The following DPF3 variants were observed in gnomAD, a reference collection of about 807,000 sequenced individuals.
DPF3 encodes the protein zinc finger protein DPF3.
A neutral mutation model predicts 56.8 loss-of-function variants in DPF3; 18 were observed. The ratio of observed to expected loss-of-function variants is 0.32; its 90% CI spans 0.22 to 0.47. DPF3 has a LOEUF of 0.47. Among genes scored for constraint, DPF3 ranks in the 20% least tolerant of loss-of-function variants. The probability of loss-of-function intolerance (pLI) is 1.00; values close to 1 mark genes in which losing one functional copy is unlikely to be tolerated. For missense variants in DPF3, 403 were observed against 488.8 expected, an observed-to-expected ratio of 0.82 and a Z score of 1.65; for synonymous variants, 188 against 180.2, an observed-to-expected ratio of 1.04 and a Z score of -0.35.
At chr14:72,766,720 G>A (rs1891303424) in intron 2 of DPF3, among the ~76,000 whole-genome samples, 1 of 152,238 alleles carries the variant, frequency 6.6e-6, no homozygotes, top group South Asian at 2.1e-4. Flanking sequence ...CCAAAGTGCT[G>A]GGATTACAGG....
chr14:72,639,102 C>T (rs1885469868), intron 8 of DPF3, among the ~76,000 whole-genome samples: 1 of 152,176 alleles, frequency 6.6e-6, no homozygotes, highest in African/African-American at 2.4e-5. Context: ...CAGGCATGAG[C>T]CAGTGCGCCA....
chr14:72,830,988 C>G (rs999230509), intron 1 of DPF3, among the ~76,000 whole-genome samples: 2 of 152,184 alleles, frequency 1.3e-5, no homozygotes, highest in African/African-American at 4.8e-5. Context: ...CCGTATCAAT[C>G]GCCCCCACCT....
intron 2 of DPF3, among the ~76,000 whole-genome samples, chr14:72,760,332 A>G (rs1891019207): frequency 6.6e-6 from 1 of 152,204 alleles, no homozygotes. Flanking sequence ...TTAGCCAGGC[A>G]TGGTGGCGCA....
intron 1 of DPF3, among the ~76,000 whole-genome samples, chr14:72,844,580 A>G (rs1433249174): frequency 1.3e-5 from 2 of 152,192 alleles, no homozygotes. Context: ...TTTTTGGCAC[A>G]TTATAGATCC....
At chr14:72,774,030 A>G (rs1891655432) in intron 1 of DPF3, 1 of 451,842 alleles carries the variant, frequency 2.2e-6, no homozygotes, top group East Asian at 7.0e-5. Flanking sequence ...CATGCCTGTA[A>G]TCCCAGCACT....
chr14:72,672,712 C>T (rs1303708617), intron 8 of DPF3, among the ~76,000 whole-genome samples: 1 of 152,122 alleles, frequency 6.6e-6, no homozygotes, highest in South Asian at 2.1e-4. Flanking sequence ...GATTCTAGCA[C>T]CCCTCTTTTG....
intron 3 of DPF3, among the ~76,000 whole-genome samples, chr14:72,739,167 G>T (rs1033786706): frequency 6.6e-6 from 1 of 151,896 alleles, no homozygotes; most frequent in Non-Finnish European, 1.5e-5. Context: ...GCTTGAACCT[G>T]GAAGGGGGAG....
intron 8 of DPF3, among the ~76,000 whole-genome samples, chr14:72,656,230 T>C (rs1886058579): frequency 6.6e-6 from 1 of 152,244 alleles, no homozygotes; most frequent in African/African-American, 2.4e-5. Context: ...CCACAGTCTT[T>C]TTCCGCTAAT....
At position 72,611,861 on chromosome 14, in the gene DPF3, G is replaced by A. The variant is rs559890390; in HGVS notation, c.*7436C>T. 2.0e-5 allele frequency among the ~76,000 whole-genome samples: 3 copies of A among 152,140 alleles called. No individual in the cohort carries two copies. Among genetic ancestry groups the A allele is most frequent in the African/African-American group, 7.2e-5 (3 of 41,492 alleles). On this transcript the variant is annotated 3_prime_UTR_variant, in exon 11 of 11. Transcript: ENST00000556509. The stretch of plus-strand genomic sequence containing the variant: ...CTGCTTGTCTTCTACTGAGGAACAC[G>A]CATCCTCAACAGAGAAACCTACATA...
rs531603867 is a variant in DPF3, at chr14:72,714,944, C to T, written c.526-443G>A. ...CAGCTGAGGTTGACAACCCCAGGCC[C>T]CTCAGCAGACCAGCTGATGCACGTA... On this transcript the variant is annotated intron_variant, in intron 5 of 10. Coordinates refer to ENST00000556509, the MANE Select transcript of DPF3 (RefSeq NM_001280542.3). Among the ~76,000 whole-genome samples, 7 of 152,330 alleles carry T rather than the reference C, an allele frequency of 4.6e-5. No homozygotes were observed. The East Asian group carries it at 1.4e-3, about 29-fold the overall frequency.
intron 4 of DPF3, among the ~76,000 whole-genome samples, chr14:72,726,365 G>A (rs949678972): frequency 3.3e-5 from 5 of 152,184 alleles, no homozygotes; most frequent in African/African-American, 1.2e-4. Context: ...GTTGGAAGGT[G>A]AAAGACTGGT....
chr14:72,878,313 T>C (rs1269885503), intron 1 of DPF3, among the ~76,000 whole-genome samples: 1 of 152,202 alleles, frequency 6.6e-6, no homozygotes, highest in Non-Finnish European at 1.5e-5. Context: ...AGGCCCTCAC[T>C]TGAGCCCTAG....
intron 1 of DPF3, among the ~76,000 whole-genome samples, chr14:72,773,370 G>A (rs1239316873): frequency 6.6e-6 from 1 of 152,028 alleles, no homozygotes; most frequent in Non-Finnish European, 1.5e-5. Context: ...CTGACCTCAG[G>A]CGATCCACCC....
chr14:72,771,396 CT>C (rs1315570604), intron 2 of DPF3, among the ~76,000 whole-genome samples: 5 of 152,076 alleles, frequency 3.3e-5, no homozygotes, highest in Non-Finnish European at 5.9e-5. Flanking sequence ...AGATTTCCGG[CT>C]TGTAACCAAC....
At chr14:72,892,052 G>C in intron 1 of DPF3, 10 of 1,412,354 alleles carry the variant, frequency 7.1e-6, no homozygotes, top group Non-Finnish European at 9.3e-6. Flanking sequence ...ACCCTGGAGC[G>C]AGTAGGGGAA....
intron 2 of DPF3, among the ~76,000 whole-genome samples, chr14:72,771,179 AT>A (rs1340184176): frequency 3.3e-5 from 5 of 149,450 alleles, no homozygotes; most frequent in African/African-American, 1.2e-4. Context: ...AAAAAAAAAA[AT>A]AACAATAATA....
intron 2 of DPF3, among the ~76,000 whole-genome samples, chr14:72,756,906 A>AAAGAAAGAAAG (rs1481374037): frequency 1.7e-4 from 13 of 74,660 alleles, no homozygotes; most frequent in African/African-American, 7.4e-4. Flanking sequence ...AGAAAAGAAA[A>AAAGAAAGAAAG]AAAGAAAGAA....
At chr14:72,780,696 C>T (rs12433250) in intron 1 of DPF3, among the ~76,000 whole-genome samples, 17,545 of 152,202 alleles carry the variant, frequency 0.12, 1,308 homozygotes, top group Middle Eastern at 0.3. Flanking sequence ...GTCACTTCAG[C>T]TCCTGAGATT....
chr14:72,738,203 G>A (rs1889978644), intron 3 of DPF3, among the ~76,000 whole-genome samples: 1 of 152,042 alleles, frequency 6.6e-6, no homozygotes, highest in African/African-American at 2.4e-5. Context: ...GGATCCATCT[G>A]CTCATTCCCT....
Sources: gnomAD v4.1 joint callset for allele counts (sites outside exome capture counted in the v4.1 genomes callset) on GRCh38, gnomAD v4.1.1 for gene constraint, MANE v1.5 for transcripts, NCBI Gene and HGNC (gene_info 2026-07-23, HGNC 2026-07-21) for gene names.